The following PCDHA13 variants were observed in gnomAD, a reference collection of about 807,000 sequenced individuals.
The protein encoded by PCDHA13 is protocadherin alpha 13, also known as protocadherin alpha-13.
PCDHA13 carries 54 observed loss-of-function variants against 64.8 expected under a neutral mutation model. The observed-to-expected ratio is 0.83, with a 90% CI of 0.67 to 1.04. The LOEUF (loss-of-function observed/expected upper bound fraction) is 1.04. PCDHA13 is among the 50% of genes least tolerant of loss of function. The pLI, the probability that PCDHA13 is intolerant of heterozygous loss-of-function variation, is 0.00. For missense variants in PCDHA13, 1,248 were observed against 1,254.3 expected, an observed-to-expected ratio of 0.99 and a Z score of 0.08; for synonymous variants, 587 against 564.4, an observed-to-expected ratio of 1.04 and a Z score of -0.57.
chr5:140,902,621 TATTTAGTGGTG>T (rs2069605868), intron 1 of PCDHA13, among the ~76,000 whole-genome samples: 1 of 152,154 alleles, frequency 6.6e-6, no homozygotes, highest in Non-Finnish European at 1.5e-5. Context: ...ATGGGTAAGT[TATTTAGTGGTG>T]ATTTCTGAGA....
At chr5:140,968,378 G>A (rs782689152) in intron 1 of PCDHA13, 15 of 1,614,040 alleles carry the variant, frequency 9.3e-6, no homozygotes, top group Non-Finnish European at 1.3e-5. Context: ...CAACTCCTTT[G>A]ACTATGAGAA....
At chr5:140,965,436 G>A (rs1389592396) in intron 1 of PCDHA13, among the ~76,000 whole-genome samples, 1 of 152,038 alleles carries the variant, frequency 6.6e-6, no homozygotes, top group Non-Finnish European at 1.5e-5. Flanking sequence ...TGCAGTCATT[G>A]AAATTGCTGG....
intron 1 of PCDHA13, among the ~76,000 whole-genome samples, chr5:140,911,819 A>C (rs2075652599): frequency 6.6e-6 from 1 of 152,164 alleles, no homozygotes; most frequent in Admixed American, 6.6e-5. Context: ...CTTCTCCAGA[A>C]ACCCCAAAAC....
intron 3 of PCDHA13, among the ~76,000 whole-genome samples, chr5:140,997,130 C>T (rs1480730795): frequency 6.6e-6 from 1 of 151,984 alleles, no homozygotes; most frequent in Non-Finnish European, 1.5e-5. Flanking sequence ...TACACAATGC[C>T]CCCACACCCC....
chr5:140,953,002 T>C (rs1019745922), intron 1 of PCDHA13, among the ~76,000 whole-genome samples: 5 of 152,142 alleles, frequency 3.3e-5, no homozygotes, highest in African/African-American at 1.2e-4. Flanking sequence ...ACTCTCTCAC[T>C]ATTATGAGAA....
In PCDHA13 at chr5:140,883,032, C is replaced by T; in HGVS notation, c.764C>T (p.Ala255Val). The T allele has an allele frequency of 6.2e-7, 1 of 1,614,064 alleles. No homozygotes were observed. Residue 255 changes from alanine (A) to valine (V), a missense_variant, in exon 1 of 4, where the codon GCC (alanine) becomes GTC (valine). Physicochemically the swap from Ala to Val is moderately conservative, Grantham distance 64. Transcript: ENST00000289272. Reference sequence around the variant, plus strand: ...TATAAAGTGACGGTGTTAGAGAACGCCTTCAATGGAACATTAGTGATCAAG... The same window carrying T: ...TATAAAGTGACGGTGTTAGAGAACGTCTTCAATGGAACATTAGTGATCAAG... ...SVYKVTVLEN[A>V]FNGTLVIKLN...
rs80062832 is a variant in PCDHA13 at position 140,889,250 on chromosome 5, C to T, written c.2394+4588C>T. ...AAAACTTCCAGAAAATTTTCTGTTT[C>T]CTGTAAAAGTTTGTATAATCTTTGA... On this transcript the variant is annotated intron_variant, in intron 1 of 3. Transcript: ENST00000289272. Among the ~76,000 whole-genome samples, 79 of 151,798 alleles carry T rather than the reference C, an allele frequency of 5.2e-4. No homozygotes were observed. In the East Asian group the frequency reaches 0.014, roughly 27 times the overall value.
intron 3 of PCDHA13, among the ~76,000 whole-genome samples, chr5:141,005,634 G>A (rs782404455): frequency 4.8e-5 from 7 of 146,670 alleles, no homozygotes; most frequent in Middle Eastern, 3.6e-3. Flanking sequence ...CCCGGGAGGC[G>A]GAGCTTGCAG....
chr5:140,956,433 C>T (rs1260145380), intron 1 of PCDHA13, among the ~76,000 whole-genome samples: 6 of 152,098 alleles, frequency 3.9e-5, no homozygotes, highest in African/African-American at 1.4e-4. Context: ...TTTAGTTCTG[C>T]TTATGTGATG....
rs1554181325 is a variant in PCDHA13 at position 140,884,205 on chromosome 5, G to T, written c.1937G>T (p.Arg646Leu). The T allele has an allele frequency of 1.9e-6, 3 of 1,613,490 alleles. No individual in the cohort carries two copies. Among genetic ancestry groups the T allele is most frequent in the East Asian group, 4.5e-5 (2 of 44,854 alleles). ...PLDEVDAPHH[R>L]LLVLVKDHGE... ...GACGAGGTGGACGCGCCGCACCACC[G>T]CCTTCTGGTGCTGGTGAAGGACCAC... is the stretch of plus-strand genomic sequence containing the variant. The change falls in exon 1 of 4, where the codon CGC becomes CTC. Residue 646 changes from arginine (R) to leucine (L), a missense_variant. Coordinates refer to ENST00000289272, the MANE Select transcript of PCDHA13 (RefSeq NM_018904.3).
At chr5:141,007,306 T>C (rs1050571899) in intron 3 of PCDHA13, among the ~76,000 whole-genome samples, 8 of 151,500 alleles carry the variant, frequency 5.3e-5, no homozygotes, top group Admixed American at 3.3e-4. Context: ...ATCTTAGCAT[T>C]TTGGGAGGCT....
At chr5:140,935,894 C>CT (rs55841305) in intron 1 of PCDHA13, among the ~76,000 whole-genome samples, 11,084 of 136,696 alleles carry the variant, frequency 0.081, 520 homozygotes, top group Middle Eastern at 0.14. Context: ...TCAATATTAT[C>CT]TTTTTTTTTT....
intron 3 of PCDHA13, among the ~76,000 whole-genome samples, chr5:140,985,651 T>A (rs1413086230): frequency 6.6e-6 from 1 of 151,992 alleles, no homozygotes; most frequent in Non-Finnish European, 1.5e-5. Context: ...ACACTTGCAA[T>A]GGCTGAATAA....
intron 1 of PCDHA13, among the ~76,000 whole-genome samples, chr5:140,925,941 GAGA>G (rs1554203013): frequency 7.2e-6 from 1 of 138,610 alleles, no homozygotes; most frequent in East Asian, 1.9e-4. Flanking sequence ...GAGCCTCTTG[GAGA>G]AGGAGAAACT....
chr5:140,886,698 C>T (rs578140955), intron 1 of PCDHA13, among the ~76,000 whole-genome samples: 5 of 151,938 alleles, frequency 3.3e-5, no homozygotes, highest in East Asian at 2.0e-4. Flanking sequence ...TGGTGGCACG[C>T]GCCTGTAATC....
chr5:140,884,459 G>A lies in PCDHA13; in HGVS notation c.2191G>A (p.Ala731Thr), dbSNP rs530412188. 8.1e-6 allele frequency: 13 copies of A among 1,613,636 alleles called. No homozygotes were observed. Among genetic ancestry groups the A allele is most frequent in the Non-Finnish European group, 1.0e-5 (12 of 1,179,808 alleles). ...LRCSAPPTEG[A>T]CAPGKPTLVC... ...GTGCTCGGCACCGCCCACCGAGGGCGCGTGCGCGCCGGGCAAGCCCACTCT... is the reference window on the plus strand; with the variant it reads ...GTGCTCGGCACCGCCCACCGAGGGCACGTGCGCGCCGGGCAAGCCCACTCT... Residue 731 changes from alanine (A) to threonine (T), a missense_variant, in exon 1 of 4, where the codon GCG becomes ACG. Physicochemically the swap from Ala to Thr is moderately conservative, Grantham distance 58. Coordinates refer to ENST00000289272, the MANE Select transcript of PCDHA13 (RefSeq NM_018904.3).
intron 3 of PCDHA13, among the ~76,000 whole-genome samples, chr5:141,001,177 T>G (rs2097996689): frequency 6.6e-6 from 1 of 152,154 alleles, no homozygotes; most frequent in Non-Finnish European, 1.5e-5. Context: ...TAACGAGTTT[T>G]TACTTTGCAC....
chr5:140,974,467 A>C (rs2096628825), intron 1 of PCDHA13, among the ~76,000 whole-genome samples: 1 of 152,228 alleles, frequency 6.6e-6, no homozygotes, highest in Non-Finnish European at 1.5e-5. Context: ...TTCAGAGGAA[A>C]GTATTCCACC....
rs1554231011 is a variant in PCDHA13 at position 140,968,738 on chromosome 5, C to G, written c.2395-10211C>G. 10 of 1,614,040 alleles carry G rather than the reference C, an allele frequency of 6.2e-6. No individual in the cohort carries two copies. The Admixed American group carries it at 6.7e-5, about 11-fold the overall frequency. On this transcript the variant is annotated intron_variant, in intron 1 of 3. Transcript: ENST00000289272. ...AGATGAGAGTGGTAGCACTTTCAAC[C>G]TGACCGTGGTGGTCCGAGATAATGG...
Sources: allele counts gnomAD v4.1 joint callset (sites outside exome capture counted in the v4.1 genomes callset), GRCh38; gene constraint gnomAD v4.1.1; transcripts MANE v1.5; gene names NCBI Gene and HGNC (gene_info 2026-07-23, HGNC 2026-07-21).